The following RGS10 variants were observed in gnomAD, a reference collection of about 807,000 sequenced individuals.
RGS10 encodes the protein regulator of G-protein signalling 10.
Under a neutral mutation model 23.5 loss-of-function variants are expected in RGS10, and 11 were observed. That is an observed-to-expected ratio of 0.47 (90% CI 0.29 to 0.77). The LOEUF is 0.77. Among genes scored for constraint, RGS10 ranks in the 30% least tolerant of loss-of-function variants. The pLI, the probability that RGS10 is intolerant of heterozygous loss-of-function variation, is 0.08. For synonymous variants in RGS10, 77 were observed against 83.2 expected (o/e 0.92, Z 0.41); for missense variants, 180 against 226.3 (o/e 0.80, Z 1.31).
intron 1 of RGS10, among the ~76,000 whole-genome samples, chr10:119,532,676 C>G (rs1184070495): frequency 6.6e-6 from 1 of 152,078 alleles, no homozygotes; most frequent in Non-Finnish European, 1.5e-5. Flanking sequence ...CCTGTCTCTA[C>G]TAAAGATACA....
intron 4 of RGS10, among the ~76,000 whole-genome samples, chr10:119,506,453 G>A (rs1844013597): frequency 6.6e-6 from 1 of 152,242 alleles, no homozygotes; most frequent in Non-Finnish European, 1.5e-5. Context: ...GGACACCAGC[G>A]GGATCAGAGA....
At chr10:119,529,624 A>G (rs1844313229) in intron 1 of RGS10, among the ~76,000 whole-genome samples, 1 of 152,232 alleles carries the variant, frequency 6.6e-6, no homozygotes, top group African/African-American at 2.4e-5. Context: ...CTTGGGACAC[A>G]GTAGATGCTC....
At position 119,515,551 on chromosome 10, in the gene RGS10, C is replaced by T; in HGVS notation, c.357G>A (p.Leu119=). 1 of 1,614,184 alleles carries T rather than the reference C, an allele frequency of 6.2e-7. No individual in the cohort carries two copies. The highest frequency in any genetic ancestry group is 8.5e-7 in the Non-Finnish European group (1 of 1,180,032). Residue 119 remains leucine, a synonymous_variant, in exon 4 of 5, where the codon CTG becomes CTA. Transcript: ENST00000369103. ...EGQSRLNEKI[L]EEPHPLMFQK... ...GGAACATCAGAGGGTGCGGTTCTTC[C>T]AGGATCTTCTCGTTGAGCCGAGACT... is the stretch of plus-strand genomic sequence containing the variant.
rs184862536 is a variant in RGS10, at chr10:119,500,054, C to T, written c.*59G>A. On this transcript the variant is annotated 3_prime_UTR_variant, in exon 5 of 5. Transcript: ENST00000369103. ...TAACAAAGCAATGATAAACCCGGCA[C>T]GGTCCTGAGAGGAAATTCCTTTGCT... 71 of 1,564,796 alleles carry T rather than the reference C, an allele frequency of 4.5e-5. No homozygotes were observed. Among genetic ancestry groups the T allele is most frequent in the African/African-American group, 3.6e-4 (26 of 73,040 alleles).
chr10:119,523,174 C>T (rs1844239019), intron 3 of RGS10, among the ~76,000 whole-genome samples: 1 of 152,130 alleles, frequency 6.6e-6, no homozygotes, highest in Admixed American at 6.5e-5. Context: ...GCCGCTTAAC[C>T]ACTCAAGTCA....
At chr10:119,513,407 C>A (rs1844099658) in intron 4 of RGS10, among the ~76,000 whole-genome samples, 1 of 152,088 alleles carries the variant, frequency 6.6e-6, no homozygotes, top group African/African-American at 2.4e-5. Context: ...CTGCACTGAG[C>A]CGGGTTCATG....
intron 4 of RGS10, among the ~76,000 whole-genome samples, chr10:119,501,704 C>T (rs1191679335): frequency 6.6e-6 from 1 of 151,718 alleles, no homozygotes; most frequent in Non-Finnish European, 1.5e-5. Flanking sequence ...GCCTGGGCAA[C>T]AGAGTGAGAC....
chr10:119,540,809 G>A (rs914255870), intron 1 of RGS10, among the ~76,000 whole-genome samples: 1 of 152,184 alleles, frequency 6.6e-6, no homozygotes. Flanking sequence ...AGGCAAAAGG[G>A]AGAAAAGCTA....
chr10:119,500,307 C>T (rs756729034), intron 4 of RGS10, 48 bp from the exon 5 acceptor site: 2 of 1,549,608 alleles, frequency 1.3e-6, no homozygotes, highest in South Asian at 2.4e-5. Flanking sequence ...CTAATCCAGG[C>T]CATAAATCAT....
At chr10:119,522,022 G>A (rs1478854402) in intron 3 of RGS10, among the ~76,000 whole-genome samples, 1 of 152,206 alleles carries the variant, frequency 6.6e-6, no homozygotes, top group Non-Finnish European at 1.5e-5. Flanking sequence ...TTCCCAAAAT[G>A]AGGGAATGAC....
chr10:119,531,914 G>A (rs1844332554), intron 1 of RGS10, among the ~76,000 whole-genome samples: 1 of 152,200 alleles, frequency 6.6e-6, no homozygotes, highest in Admixed American at 6.5e-5. Context: ...TTACAGAAGA[G>A]CATGGAGTTT....
chr10:119,511,300 T>TATAAGCCCCTCAAGC (rs1844073964), intron 4 of RGS10, among the ~76,000 whole-genome samples: 1 of 152,136 alleles, frequency 6.6e-6, no homozygotes, highest in Non-Finnish European at 1.5e-5. Flanking sequence ...GTAGCAAAGC[T>TATAAGCCCCTCAAGC]TTAAGCCCCT....
In RGS10 at chr10:119,524,572, G is replaced by C. The variant is rs1384425481; in HGVS notation, c.255+1460C>G. Among the ~76,000 whole-genome samples, 1 of 152,252 alleles carries C rather than the reference G, an allele frequency of 6.6e-6. No individual in the cohort carries two copies. Among genetic ancestry groups the C allele is most frequent in the Non-Finnish European group, 1.5e-5 (1 of 68,022 alleles). On this transcript the variant is annotated intron_variant, in intron 3 of 4. Coordinates refer to ENST00000369103, the MANE Select transcript of RGS10 (RefSeq NM_001005339.2). This position sits in a 1 kb window ranked among gnomAD's most constrained non-coding sequence, Gnocchi z 5.2. ...GTGGTCCCCAGGCCCTGTCCTCGGTGCTGGAGACAAAGGACAACAATGAGG... is the reference window on the plus strand; with the variant it reads ...GTGGTCCCCAGGCCCTGTCCTCGGTCCTGGAGACAAAGGACAACAATGAGG...
At chr10:119,512,692 C>T (rs762409317) in intron 4 of RGS10, among the ~76,000 whole-genome samples, 4 of 152,150 alleles carry the variant, frequency 2.6e-5, no homozygotes, top group Non-Finnish European at 5.9e-5. Flanking sequence ...GGATTATAGG[C>T]GCCCACCACC....
At chr10:119,508,900 C>G (rs996400833) in intron 4 of RGS10, among the ~76,000 whole-genome samples, 5 of 151,818 alleles carry the variant, frequency 3.3e-5, no homozygotes, top group Admixed American at 3.3e-4. Flanking sequence ...AGTTCAAGAC[C>G]GGCCTGGGCA....
chr10:119,503,581 G>C (rs1187445128), intron 4 of RGS10, among the ~76,000 whole-genome samples: 1 of 152,136 alleles, frequency 6.6e-6, no homozygotes, highest in South Asian at 2.1e-4. Flanking sequence ...GCTGGGCAGC[G>C]TGTGGGCATT....
Position 119,527,466 on chromosome 10 carries a change from C to T in RGS10, c.50-42G>A. The T allele has an allele frequency of 6.7e-7, 1 of 1,484,208 alleles. No individual in the cohort carries two copies. Among genetic ancestry groups the T allele is most frequent in the Non-Finnish European group, 9.4e-7 (1 of 1,062,782 alleles). The allele number at this position is 1,484,208 out of a possible 1,614,324, so 91.9% of individuals were successfully genotyped here. ...AGACTGCATATGTGGCCAACAGACA[C>T]TGTCATTTTAAGAAATCTGCATGCA... On this transcript the variant is annotated intron_variant, in intron 1 of 4. Transcript: ENST00000369103. The surrounding 1 kb of genome is among the most constrained non-coding windows in gnomAD (Gnocchi z 4.2).
chr10:119,542,675 G>C lies in RGS10; in HGVS notation c.-37C>G. ...CCCGAGGAGGAAGAAGGAGCAGCCC[G>C]GCGGCGCGGCGGCTGAGCCGGAGGA... On this transcript the variant is annotated 5_prime_UTR_variant, in exon 1 of 5. Coordinates refer to ENST00000369103, the MANE Select transcript of RGS10 (RefSeq NM_001005339.2). 2 of 1,337,664 alleles carry C rather than the reference G, an allele frequency of 1.5e-6. No homozygotes were observed. Among genetic ancestry groups the C allele is most frequent in the African/African-American group, 1.5e-5 (1 of 65,320 alleles). The allele number at this position is 1,337,664 out of a possible 1,614,324, so 82.9% of individuals were successfully genotyped here.
intron 4 of RGS10, among the ~76,000 whole-genome samples, chr10:119,503,552 C>T (rs1843975809): frequency 6.6e-6 from 1 of 152,186 alleles, no homozygotes; most frequent in Non-Finnish European, 1.5e-5. Context: ...AACGCGGCTG[C>T]AGTGCCCTCC....
Sources: allele counts gnomAD v4.1 joint callset (sites outside exome capture counted in the v4.1 genomes callset), GRCh38; gene constraint gnomAD v4.1.1; non-coding constraint Gnocchi (gnomAD v3.1); transcripts MANE v1.5; gene names NCBI Gene and HGNC (gene_info 2026-07-23, HGNC 2026-07-21).